Variants in LINGO2 observed in about 807,000 individuals in gnomAD.
The protein encoded by LINGO2 is leucine-rich repeat and immunoglobulin-like domain-containing nogo receptor-interacting protein 2.
A neutral mutation model predicts 30.6 loss-of-function variants in LINGO2; 14 were observed. That is an observed-to-expected ratio of 0.46 (90% CI 0.30 to 0.72). LINGO2 has a LOEUF of 0.72. Ranked by LOEUF, LINGO2 falls within the 30% of genes least tolerant of loss-of-function variation. The probability of loss-of-function intolerance (pLI) is 0.07; values close to 1 mark genes in which losing one functional copy is unlikely to be tolerated. For missense variants in LINGO2, 729 were observed against 751.7 expected (o/e 0.97, Z 0.35); for synonymous variants, 317 against 288.5 (o/e 1.10, Z -1.00).
At chr9:28,844,411 T>A in the LINGO2 span, among the ~76,000 whole-genome samples, 1 of 151,752 alleles carries the variant, frequency 6.6e-6, no homozygotes, top group Non-Finnish European at 1.5e-5. Flanking sequence ...CAGAAACAGA[T>A]GTAATCCAAT....
the LINGO2 span, among the ~76,000 whole-genome samples, chr9:28,858,926 G>T: frequency 1.3e-5 from 2 of 151,768 alleles, no homozygotes; most frequent in East Asian, 2.0e-4. Flanking sequence ...CTTGCGTGTT[G>T]CAAAGCCTCA....
intron 1 of LINGO2, among the ~76,000 whole-genome samples, chr9:28,635,676 A>G (rs1827228065): frequency 6.6e-6 from 1 of 152,134 alleles, no homozygotes; most frequent in Non-Finnish European, 1.5e-5. Context: ...GTCATAAGTA[A>G]AAGTAAAAAA....
intron 1 of LINGO2, among the ~76,000 whole-genome samples, chr9:28,557,195 CA>C (rs1822760315): frequency 6.6e-6 from 1 of 152,030 alleles, no homozygotes; most frequent in Non-Finnish European, 1.5e-5. Flanking sequence ...AAATTACCAT[CA>C]GAGTGAACAG....
intron 2 of LINGO2, among the ~76,000 whole-genome samples, chr9:28,422,448 C>A (rs565989064): frequency 3.9e-5 from 6 of 151,916 alleles, no homozygotes; most frequent in Non-Finnish European, 8.8e-5. Context: ...AGTGGAAAGA[C>A]AAATCAAAAT....
the LINGO2 span, among the ~76,000 whole-genome samples, chr9:28,835,001 G>T: frequency 0.38 from 58,204 of 151,962 alleles, 11,834 homozygotes; most frequent in East Asian, 0.52. Flanking sequence ...AATGAACAAG[G>T]TAAGGCATAG....
At chr9:28,084,929 G>A (rs1453770211) in intron 4 of LINGO2, among the ~76,000 whole-genome samples, 2 of 152,150 alleles carry the variant, frequency 1.3e-5, no homozygotes, top group African/African-American at 2.4e-5. Context: ...TTTTGCAGGA[G>A]CTGGCACATT....
intron 5 of LINGO2, among the ~76,000 whole-genome samples, chr9:27,955,935 C>CTTTTTTTT (rs532878364): frequency 3.7e-5 from 4 of 106,782 alleles, no homozygotes; most frequent in African/African-American, 3.3e-5. Flanking sequence ...TGGATACTGA[C>CTTTTTTTT]TTTTTTTTTT....
chr9:28,422,446 G>C (rs1465202491), intron 2 of LINGO2, among the ~76,000 whole-genome samples: 1 of 152,012 alleles, frequency 6.6e-6, no homozygotes, highest in Non-Finnish European at 1.5e-5. Flanking sequence ...TTAGTGGAAA[G>C]ACAAATCAAA....
the LINGO2 span, among the ~76,000 whole-genome samples, chr9:28,977,235 T>C: frequency 6.6e-6 from 1 of 152,030 alleles, no homozygotes. Context: ...GTAATACACA[T>C]CCCAATAAGG....
the LINGO2 span, among the ~76,000 whole-genome samples, chr9:28,744,153 T>C: frequency 2.0e-5 from 3 of 151,578 alleles, no homozygotes; most frequent in African/African-American, 7.3e-5. Context: ...CCTAAATTTC[T>C]ATTTGGTTCT....
chr9:28,118,126 CATGCTGGGCTTA>C (rs1826988099), intron 4 of LINGO2, among the ~76,000 whole-genome samples: 1 of 152,086 alleles, frequency 6.6e-6, no homozygotes, highest in Admixed American at 6.5e-5. Flanking sequence ...ATAGCTAACA[CATGCTGGGCTTA>C]ATACTTAGAT....
Position 28,314,372 on chromosome 9 carries a change from A to G in LINGO2, c.-245-19006T>C, listed in dbSNP as rs10968492. On this transcript the variant is annotated intron_variant, in intron 3 of 5. Coordinates refer to ENST00000379992, the Ensembl canonical transcript of LINGO2. Reference sequence around the variant, plus strand: ...CACAAATCTTTCAATTTGAAACCCAAGACAAAGTTTTAGAAATCAGAGTCA... The same window carrying G: ...CACAAATCTTTCAATTTGAAACCCAGGACAAAGTTTTAGAAATCAGAGTCA... Among the ~76,000 whole-genome samples, 2,473 of 152,330 alleles carry G rather than the reference A, an allele frequency of 0.016. 151 individuals are homozygous for G. The East Asian group carries it at 0.2, about 12-fold the overall frequency.
At chr9:28,841,303 G>C in the LINGO2 span, among the ~76,000 whole-genome samples, 1 of 151,668 alleles carries the variant, frequency 6.6e-6, no homozygotes, top group African/African-American at 2.4e-5. Context: ...AAAATTATTT[G>C]AAAAGCGGAT....
At chr9:28,432,147 C>A (rs1309237712) in intron 2 of LINGO2, among the ~76,000 whole-genome samples, 1 of 152,008 alleles carries the variant, frequency 6.6e-6, no homozygotes, top group Admixed American at 6.6e-5. Context: ...GGTCAGAAGA[C>A]CACACAGATG....
chr9:28,874,909 T>C, the LINGO2 span, among the ~76,000 whole-genome samples: 4 of 152,092 alleles, frequency 2.6e-5, no homozygotes, highest in African/African-American at 9.7e-5. Context: ...CTACAGGTCC[T>C]TGTTTCTGAG....
chr9:28,676,616 A>T, the LINGO2 span, among the ~76,000 whole-genome samples: 1 of 152,072 alleles, frequency 6.6e-6, no homozygotes, highest in South Asian at 2.1e-4. Context: ...CTTTTAAAAC[A>T]TGTGTTGTTG....
intron 1 of LINGO2, among the ~76,000 whole-genome samples, chr9:28,654,165 A>G (rs1157281389): frequency 3.3e-5 from 5 of 152,122 alleles, no homozygotes; most frequent in African/African-American, 1.2e-4. Context: ...TTAGTTTTAA[A>G]CAAATAAGCA....
At chr9:28,339,067 C>A (rs892512791) in intron 3 of LINGO2, among the ~76,000 whole-genome samples, 1 of 152,120 alleles carries the variant, frequency 6.6e-6, no homozygotes, top group Non-Finnish European at 1.5e-5. Context: ...AATACCTTTG[C>A]AGTCTCTTGT....
the LINGO2 span, among the ~76,000 whole-genome samples, chr9:29,150,541 T>A: frequency 6.6e-6 from 1 of 152,104 alleles, no homozygotes; most frequent in Non-Finnish European, 1.5e-5. Flanking sequence ...ATCCAAGAGC[T>A]GATAGATGAA....
Sources: allele counts gnomAD v4.1 joint callset (sites outside exome capture counted in the v4.1 genomes callset), GRCh38; gene constraint gnomAD v4.1.1; transcripts MANE v1.5; gene names NCBI Gene and HGNC (gene_info 2026-07-23, HGNC 2026-07-21).